The following FSTL4 variants were observed in gnomAD, a reference collection of about 807,000 sequenced individuals.
FSTL4 encodes the protein follistatin like 4.
A neutral mutation model predicts 78.2 loss-of-function variants in FSTL4; 28 were observed. That is an observed-to-expected ratio of 0.36 (90% confidence interval 0.27 to 0.49). The LOEUF (loss-of-function observed/expected upper bound fraction) is 0.49. Among genes scored for constraint, FSTL4 ranks in the 20% least tolerant of loss-of-function variants. The pLI, the probability that FSTL4 is intolerant of heterozygous loss-of-function variation, is 0.98. For missense variants in FSTL4, 922 were observed against 1,084.9 expected (o/e 0.85, Z 2.11); for synonymous variants, 422 against 440.5 (o/e 0.96, Z 0.53).
chr5:133,335,693 C>A (rs957577151), intron 4 of FSTL4, among the ~76,000 whole-genome samples: 10 of 149,666 alleles, frequency 6.7e-5, no homozygotes, highest in African/African-American at 2.2e-4. Context: ...GGGGGGGTGG[C>A]AATCAGAGTC....
At chr5:133,421,946 G>A (rs112388606) in intron 3 of FSTL4, among the ~76,000 whole-genome samples, 13 of 152,292 alleles carry the variant, frequency 8.5e-5, no homozygotes, top group African/African-American at 3.1e-4. Context: ...AACTAAAAAA[G>A]GAGATGAGGA....
At chr5:133,375,136 C>A (rs1038486364) in intron 4 of FSTL4, among the ~76,000 whole-genome samples, 4 of 151,402 alleles carry the variant, frequency 2.6e-5, no homozygotes, top group Non-Finnish European at 5.9e-5. Context: ...TCTGTCTCTC[C>A]TGAAGGGATT....
At chr5:133,490,286 G>T (rs769669028) in intron 3 of FSTL4, among the ~76,000 whole-genome samples, 2 of 151,802 alleles carry the variant, frequency 1.3e-5, no homozygotes, top group Non-Finnish European at 2.9e-5. Context: ...ACCTTTGAGT[G>T]AATTAAAACA....
intron 7 of FSTL4, among the ~76,000 whole-genome samples, chr5:133,240,240 G>A (rs191588701): frequency 2.6e-5 from 4 of 152,270 alleles, no homozygotes; most frequent in East Asian, 3.9e-4. Flanking sequence ...CACTCACTGC[G>A]AGGGTCCGCG....
At chr5:133,608,938 A>C (rs1176189345) in intron 1 of FSTL4, among the ~76,000 whole-genome samples, 1 of 152,170 alleles carries the variant, frequency 6.6e-6, no homozygotes, top group East Asian at 1.9e-4. Context: ...GAGAGAAGCA[A>C]TCCCATTAAA....
At chr5:133,761,690 C>T in the FSTL4 span, among the ~76,000 whole-genome samples, 1 of 152,146 alleles carries the variant, frequency 6.6e-6, no homozygotes, top group African/African-American at 2.4e-5. Context: ...ATCCAGAATG[C>T]CTGAATTCCT....
intron 3 of FSTL4, among the ~76,000 whole-genome samples, chr5:133,526,195 G>A (rs1031847427): frequency 1.3e-5 from 2 of 152,160 alleles, no homozygotes; most frequent in African/African-American, 2.4e-5. Context: ...TGAGGCCTAC[G>A]GTAAATGATC....
intron 7 of FSTL4, among the ~76,000 whole-genome samples, chr5:133,240,062 A>G (rs1751793088): frequency 6.6e-6 from 1 of 151,956 alleles, no homozygotes; most frequent in Non-Finnish European, 1.5e-5. Context: ...GCTGCTGCTC[A>G]CTCTTTAGGT....
At chr5:133,577,284 A>G (rs1760304442) in intron 2 of FSTL4, among the ~76,000 whole-genome samples, 1 of 152,216 alleles carries the variant, frequency 6.6e-6, no homozygotes, top group South Asian at 2.1e-4. Context: ...CCAGTTATGC[A>G]GAGCTTGCTG....
chr5:133,271,391 T>A (rs888998025), intron 6 of FSTL4, among the ~76,000 whole-genome samples: 16 of 152,206 alleles, frequency 1.1e-4, no homozygotes, highest in African/African-American at 3.9e-4. Context: ...AGAAGATGCC[T>A]CTGCTGGGCT....
At chr5:133,723,874 A>G in the FSTL4 span, among the ~76,000 whole-genome samples, 1 of 152,196 alleles carries the variant, frequency 6.6e-6, no homozygotes, top group African/African-American at 2.4e-5. Flanking sequence ...GTGCACCAGC[A>G]ACTGGGCTGG....
the FSTL4 span, among the ~76,000 whole-genome samples, chr5:133,734,781 T>C: frequency 1.3e-5 from 2 of 152,244 alleles, no homozygotes; most frequent in African/African-American, 4.8e-5. Flanking sequence ...TCTTCTGCTC[T>C]GCTCTCTTCA....
At chr5:133,705,567 A>T in the FSTL4 span, among the ~76,000 whole-genome samples, 2 of 152,032 alleles carry the variant, frequency 1.3e-5, no homozygotes, top group African/African-American at 4.8e-5. Flanking sequence ...AGGACCCCTG[A>T]CAACCACAAG....
chr5:133,719,672 TAAAAAAAA>T, the FSTL4 span, among the ~76,000 whole-genome samples: 8 of 102,078 alleles, frequency 7.8e-5, no homozygotes, highest in African/African-American at 3.1e-4. Flanking sequence ...AAACTCCATC[TAAAAAAAA>T]AAAAAAAAAA....
chr5:133,377,501 TA>T (rs1186647719), intron 4 of FSTL4, among the ~76,000 whole-genome samples: 1 of 152,102 alleles, frequency 6.6e-6, no homozygotes, highest in African/African-American at 2.4e-5. Flanking sequence ...AGTTTGAGCC[TA>T]AAAGTACTCT....
chr5:133,642,497 C>T, the FSTL4 span, among the ~76,000 whole-genome samples: 1 of 152,174 alleles, frequency 6.6e-6, no homozygotes, highest in Non-Finnish European at 1.5e-5. Context: ...CAACTGCCTG[C>T]AAAGACATCC....
At chr5:133,260,839 G>A (rs1302470444) in intron 6 of FSTL4, among the ~76,000 whole-genome samples, 1 of 152,238 alleles carries the variant, frequency 6.6e-6, no homozygotes, top group African/African-American at 2.4e-5. Flanking sequence ...GGGTTCAGGA[G>A]TGGGGTTTGG....
At chr5:133,638,238 A>G in the FSTL4 span, among the ~76,000 whole-genome samples, 1 of 152,086 alleles carries the variant, frequency 6.6e-6, no homozygotes, top group Non-Finnish European at 1.5e-5. Flanking sequence ...ACAGGCCACC[A>G]TCAACTCTCA....
At chr5:133,621,702 G>T in the FSTL4 span, among the ~76,000 whole-genome samples, 2 of 151,934 alleles carry the variant, frequency 1.3e-5, no homozygotes, top group African/African-American at 4.8e-5. Context: ...CACCACTAAA[G>T]AACTTACTTA....
Sources: gnomAD v4.1 joint callset for allele counts (sites outside exome capture counted in the v4.1 genomes callset) on GRCh38, gnomAD v4.1.1 for gene constraint, MANE v1.5 for transcripts, NCBI Gene and HGNC (gene_info 2026-07-23, HGNC 2026-07-21) for gene names.